ATCAY: variants seen among roughly 807,000 people sequenced by gnomAD.
The protein encoded by ATCAY is caytaxin.
A neutral mutation model predicts 47.7 loss-of-function variants in ATCAY; 22 were observed. The observed-to-expected ratio is 0.46, with a 90% CI of 0.33 to 0.66. The LOEUF (loss-of-function observed/expected upper bound fraction) is 0.66, where lower values mean the gene tolerates loss of function less well. ATCAY is among the 30% of genes least tolerant of loss of function. The pLI is 0.02. For missense variants in ATCAY, 452 were observed against 515.0 expected, an observed-to-expected ratio of 0.88 and a Z score of 1.18; for synonymous variants, 216 against 207.6, an observed-to-expected ratio of 1.04 and a Z score of -0.35.
At chr19:3,890,696 G>A (rs1309707285) in intron 2 of ATCAY, among the ~76,000 whole-genome samples, 1 of 152,198 alleles carries the variant, frequency 6.6e-6, no homozygotes, top group Non-Finnish European at 1.5e-5. Context: ...GGAGGAGGGT[G>A]TGTTTCTGGT....
intron 9 of ATCAY, among the ~76,000 whole-genome samples, chr19:3,917,313 G>A (rs965934352): frequency 9.9e-5 from 15 of 151,820 alleles, no homozygotes; most frequent in Admixed American, 5.3e-4. Context: ...GGCCGGGCGC[G>A]GTGGTTCGCG....
chr19:3,918,990 C>A, intron 11 of ATCAY, 113 bp downstream of exon 11: 2 of 1,329,004 alleles, frequency 1.5e-6, no homozygotes, highest in Non-Finnish European at 2.1e-6. Context: ...GAAAATGGAA[C>A]TAAGTGGCCG....
intron 2 of ATCAY, among the ~76,000 whole-genome samples, chr19:3,896,714 A>G (rs1351148963): frequency 1.3e-5 from 2 of 152,204 alleles, no homozygotes; most frequent in African/African-American, 4.8e-5. Context: ...CTGCAAAGCA[A>G]TGGGGCTTTC....
At chr19:3,884,262 G>A (rs889295866) in intron 1 of ATCAY, among the ~76,000 whole-genome samples, 1 of 151,476 alleles carries the variant, frequency 6.6e-6, no homozygotes, top group Non-Finnish European at 1.5e-5. Context: ...ACTCCAGCCT[G>A]GGCGACAGAG....
chr19:3,894,646 A>AC (rs58988378), intron 2 of ATCAY, among the ~76,000 whole-genome samples: 20 of 144,966 alleles, frequency 1.4e-4, no homozygotes, highest in Non-Finnish European at 2.7e-4. Flanking sequence ...AAAAAAAAAA[A>AC]CTGTAAAAAC....
At chr19:3,918,636 A>T (rs2038988558) in intron 10 of ATCAY, among the ~76,000 whole-genome samples, 170 bp from the exon 11 acceptor site, 1 of 152,196 alleles carries the variant, frequency 6.6e-6, no homozygotes, top group Admixed American at 6.5e-5. Flanking sequence ...AATAAGACAG[A>T]GTCTTGGTCC....
chr19:3,885,119 A>C (rs1599273600), intron 1 of ATCAY, among the ~76,000 whole-genome samples: 1 of 148,630 alleles, frequency 6.7e-6, no homozygotes, highest in Non-Finnish European at 1.5e-5. Flanking sequence ...TAAAAAAAAA[A>C]AAAAAAAAAA....
Position 3,913,765 on chromosome 19 carries a change from TTCA to T in ATCAY, c.878_880del (p.Ile293del), listed in dbSNP as rs1568451506. The T allele has an allele frequency of 6.2e-7, 1 of 1,613,662 alleles. No individual in the cohort carries two copies. Among genetic ancestry groups the T allele is most frequent in the East Asian group, 2.2e-5 (1 of 44,854 alleles). On this transcript the variant is annotated inframe_deletion, in exon 9 of 13. Coordinates refer to ENST00000450849, the MANE Select transcript of ATCAY (RefSeq NM_033064.5). Reference sequence around the variant, plus strand: ...TCCTTCTCCCCCCGCCAGCGTCAAGTTCATCAACAAGATCCAGTACGTGCACAG... The same window carrying T: ...TCCTTCTCCCCCCGCCAGCGTCAAGTTCAACAAGATCCAGTACGTGCACAG...
intron 2 of ATCAY, chr19:3,893,475 G>C (rs2038737257): frequency 6.6e-6 from 1 of 152,406 alleles, no homozygotes; most frequent in Non-Finnish European, 1.5e-5. Context: ...ACCATGCCCG[G>C]CTAGGATTTC....
At chr19:3,921,894 T>TA (rs1408107735) in intron 12 of ATCAY, among the ~76,000 whole-genome samples, 1 of 125,140 alleles carries the variant, frequency 8.0e-6, no homozygotes, top group Non-Finnish European at 1.7e-5. Context: ...AAGACTCTGT[T>TA]TAAAAAAAAA....
intron 2 of ATCAY, among the ~76,000 whole-genome samples, chr19:3,887,679 G>A (rs1027135578): frequency 1.3e-5 from 2 of 150,182 alleles, no homozygotes; most frequent in Middle Eastern, 3.2e-3. Context: ...GTAGAGACGG[G>A]GTTTCACCAT....
At position 3,902,571 on chromosome 19, in the gene ATCAY, C is replaced by T. The variant is rs369888276; in HGVS notation, c.136+26C>T. The T allele has an allele frequency of 2.4e-4, 377 of 1,554,916 alleles. 1 individual carries two copies. The highest frequency in any genetic ancestry group is 3.0e-4 in the Non-Finnish European group (345 of 1,148,744). On this transcript the variant is annotated intron_variant, in intron 3 of 12. Transcript: ENST00000450849. ...GTAAGTTTCCACGTCCACAGAAGGG[C>T]GGAAACAGGCTCAGTGTTTCCGGGT... is the stretch of plus-strand genomic sequence containing the variant.
At chr19:3,902,416 G>T in intron 2 of ATCAY, 71 bp from the exon 3 acceptor site, 1 of 1,449,138 alleles carries the variant, frequency 6.9e-7, no homozygotes, top group Non-Finnish European at 9.5e-7. Context: ...ACCTGTCTGG[G>T]CCACTCCACT....
intron 11 of ATCAY, chr19:3,920,162 A>G (rs1454677786): frequency 6.6e-6 from 1 of 152,128 alleles, no homozygotes; most frequent in Non-Finnish European, 1.5e-5. Flanking sequence ...TGGGCAACAT[A>G]TTGAGACTCC....
At position 3,924,673 on chromosome 19, in the gene ATCAY, T is replaced by A; in HGVS notation, c.*81T>A. The A allele has an allele frequency of 2.0e-6, 3 of 1,514,282 alleles. No individual in the cohort carries two copies. Among genetic ancestry groups the A allele is most frequent in the Non-Finnish European group, 2.7e-6 (3 of 1,098,174 alleles). The allele number at this position is 1,514,282 out of a possible 1,614,324, so 93.8% of individuals were successfully genotyped here. ...CTGTCAGACGCCCACTGGCCCCAGA[T>A]CTCATCCTGCCTCATCCTGAGTCCC... is the stretch of plus-strand genomic sequence containing the variant. On this transcript the variant is annotated 3_prime_UTR_variant, in exon 13 of 13. Coordinates refer to ENST00000450849, the MANE Select transcript of ATCAY (RefSeq NM_033064.5).
intron 3 of ATCAY, 57 bp downstream of exon 3, chr19:3,902,602 C>T: frequency 1.3e-6 from 2 of 1,528,188 alleles, no homozygotes; most frequent in African/African-American, 1.4e-5. Flanking sequence ...CGGGTTTCAG[C>T]CCTGCCTGGG....
At chr19:3,904,776 G>A (rs1291860492) in intron 3 of ATCAY, among the ~76,000 whole-genome samples, 2 of 152,062 alleles carry the variant, frequency 1.3e-5, no homozygotes, top group African/African-American at 4.8e-5. Flanking sequence ...GAGACAGGAG[G>A]GTGAGAGTCA....
intron 2 of ATCAY, among the ~76,000 whole-genome samples, chr19:3,889,879 C>T (rs1057068234): frequency 3.3e-5 from 5 of 151,936 alleles, no homozygotes; most frequent in African/African-American, 4.8e-5. Context: ...TCATCTCCAG[C>T]GTTATTACTA....
rs1032514048 is a variant in ATCAY at position 3,907,159 on chromosome 19, A to T, written c.359-575A>T. The stretch of plus-strand genomic sequence containing the variant: ...AAAAAAAAAAGAAAGAAAAAAAAAA[A>T]TTAAGGACAATGTAGTGGCTCATTC... On this transcript the variant is annotated intron_variant, in intron 4 of 12. Coordinates refer to ENST00000450849, the MANE Select transcript of ATCAY (RefSeq NM_033064.5). This position sits in a 1 kb window ranked among gnomAD's most constrained non-coding sequence, Gnocchi z 5.1. Among the ~76,000 whole-genome samples, 9 of 150,022 alleles carry T rather than the reference A, an allele frequency of 6.0e-5. No homozygotes were observed. The highest frequency in any genetic ancestry group is 2.2e-4 in the African/African-American group (9 of 40,722).
Sources: allele counts gnomAD v4.1 joint callset (sites outside exome capture counted in the v4.1 genomes callset), GRCh38; gene constraint gnomAD v4.1.1; non-coding constraint Gnocchi (gnomAD v3.1); transcripts MANE v1.5; gene names NCBI Gene and HGNC (gene_info 2026-07-23, HGNC 2026-07-21).